ARHGEF3: variants seen among roughly 807,000 people sequenced by gnomAD.
ARHGEF3 encodes the protein Rho guanine nucleotide exchange factor 3.
A neutral mutation model predicts 63.2 loss-of-function variants in ARHGEF3; 28 were observed. The observed-to-expected ratio is 0.44, with a 90% CI of 0.33 to 0.61. The LOEUF (loss-of-function observed/expected upper bound fraction) is 0.61, where lower values mean the gene tolerates loss of function less well. Ranked by LOEUF, ARHGEF3 falls within the 20% of genes least tolerant of loss-of-function variation. The probability of loss-of-function intolerance (pLI) is 0.03; values close to 1 mark genes in which losing one functional copy is unlikely to be tolerated. For missense variants in ARHGEF3, 533 were observed against 659.3 expected (o/e 0.81, Z 2.10); for synonymous variants, 266 against 254.2 (o/e 1.05, Z -0.44).
intron 3 of ARHGEF3, among the ~76,000 whole-genome samples, chr3:56,933,339 T>C (rs75972454): frequency 3.9e-5 from 6 of 152,254 alleles, no homozygotes; most frequent in Non-Finnish European, 8.8e-5. Context: ...GACTCAGTCT[T>C]CCATAACCTA....
intron 2 of ARHGEF3, among the ~76,000 whole-genome samples, chr3:56,989,340 G>A (rs564139605): frequency 4.6e-5 from 7 of 152,180 alleles, no homozygotes; most frequent in East Asian, 1.9e-4. Context: ...ATGCTGTAGC[G>A]TGACATCTGC....
intron 3 of ARHGEF3, among the ~76,000 whole-genome samples, chr3:56,904,150 C>T (rs11710295): frequency 6.6e-6 from 1 of 152,116 alleles, no homozygotes; most frequent in Non-Finnish European, 1.5e-5. Context: ...CCACCTCAGC[C>T]TCCCAAGTAG....
At chr3:56,778,020 G>C (rs2036366655) in intron 1 of ARHGEF3, among the ~76,000 whole-genome samples, 1 of 152,202 alleles carries the variant, frequency 6.6e-6, no homozygotes, top group Non-Finnish European at 1.5e-5. Context: ...CAGGTGGTGT[G>C]TGGAAACTGT....
At chr3:57,065,549 C>T (rs1560173527) in intron 1 of ARHGEF3, among the ~76,000 whole-genome samples, 1 of 152,104 alleles carries the variant, frequency 6.6e-6, no homozygotes, top group Non-Finnish European at 1.5e-5. Flanking sequence ...ATCTGCACTA[C>T]CGTATGCATG....
intron 4 of ARHGEF3, among the ~76,000 whole-genome samples, chr3:56,871,803 A>G (rs547452269): frequency 1.3e-5 from 2 of 152,322 alleles, no homozygotes; most frequent in Admixed American, 1.3e-4. Flanking sequence ...AATTCAGGGC[A>G]TCTTCAAGCT....
intron 4 of ARHGEF3, among the ~76,000 whole-genome samples, chr3:56,823,904 G>A (rs1292246118): frequency 2.0e-5 from 3 of 150,744 alleles, no homozygotes; most frequent in Non-Finnish European, 4.4e-5. Context: ...ATCTTGAAAA[G>A]GGGAGTAAGA....
chr3:57,061,585 C>T (rs773119601), intron 1 of ARHGEF3, among the ~76,000 whole-genome samples: 3 of 152,272 alleles, frequency 2.0e-5, no homozygotes, highest in South Asian at 2.1e-4. Flanking sequence ...TTGTGAATAA[C>T]GCTGCTGGGA....
exon 3 of ARHGEF3, chr3:56,958,846 G>A: frequency 6.4e-7 from 1 of 1,551,646 alleles, no homozygotes; most frequent in Non-Finnish European, 8.7e-7. Flanking sequence ...CAGGCTTTAG[G>A]AGAGGGAAAC....
chr3:56,958,225 C>A (rs1265369192), intron 3 of ARHGEF3, among the ~76,000 whole-genome samples: 1 of 152,116 alleles, frequency 6.6e-6, no homozygotes, highest in Non-Finnish European at 1.5e-5. Context: ...GCCTCAGCAA[C>A]CTTGACACTT....
At chr3:56,901,311 A>G (rs948100472) in intron 3 of ARHGEF3, among the ~76,000 whole-genome samples, 1 of 152,176 alleles carries the variant, frequency 6.6e-6, no homozygotes, top group Non-Finnish European at 1.5e-5. Context: ...GAGTGAATCA[A>G]AAATGCAAGA....
intron 2 of ARHGEF3, among the ~76,000 whole-genome samples, chr3:56,967,519 ATAT>A (rs1426769748): frequency 2.3e-5 from 2 of 88,168 alleles, no homozygotes; most frequent in Non-Finnish European, 1.9e-5. Flanking sequence ...ATAATATAAT[ATAT>A]TATATGTATA....
At chr3:57,077,923 G>T (rs1488118) in intron 1 of ARHGEF3, among the ~76,000 whole-genome samples, 69,215 of 151,920 alleles carry the variant, frequency 0.46, 17,113 homozygotes, top group Middle Eastern at 0.56. Context: ...GAACACCATG[G>T]CTACTGTGTA....
intron 1 of ARHGEF3, among the ~76,000 whole-genome samples, chr3:57,071,748 G>A (rs1023874271): frequency 6.6e-6 from 1 of 151,154 alleles, no homozygotes; most frequent in Non-Finnish European, 1.5e-5. Context: ...CAAAAGCACA[G>A]GAAACCCAAG....
chr3:56,987,109 G>A (rs1365998808), intron 2 of ARHGEF3, among the ~76,000 whole-genome samples: 2 of 152,172 alleles, frequency 1.3e-5, no homozygotes, highest in East Asian at 1.9e-4. Context: ...CTACTAGGAA[G>A]GCTAAGATGG....
chr3:56,906,955 G>A (rs893052798), intron 3 of ARHGEF3, among the ~76,000 whole-genome samples: 5 of 149,140 alleles, frequency 3.4e-5, no homozygotes, highest in Non-Finnish European at 5.9e-5. Context: ...ACTTAAAATC[G>A]CGATTGTGGC....
At chr3:56,849,705 AAC>A (rs1559990745) in intron 4 of ARHGEF3, among the ~76,000 whole-genome samples, 1 of 152,170 alleles carries the variant, frequency 6.6e-6, no homozygotes, top group Non-Finnish European at 1.5e-5. Context: ...AGACAAAGAA[AAC>A]ACAGTTTTCT....
rs1212622208 is a variant in ARHGEF3, at chr3:56,983,642, T to G, written c.63-24753A>C. On this transcript the variant is annotated intron_variant, in intron 2 of 12. Coordinates refer to the ARHGEF3 transcript ENST00000338458. The stretch of plus-strand genomic sequence containing the variant: ...GCTGGGTCAGGTTCATGTCTCCTTT[T>G]AAAACTGACTATCAGCCGGAAGCAG... Among the ~76,000 whole-genome samples, 3 of 152,180 alleles carry G rather than the reference T, an allele frequency of 2.0e-5. No individual in the cohort carries two copies. The East Asian group carries it at 5.8e-4, about 29-fold the overall frequency.
chr3:57,077,791 A>G (rs1378693531), intron 1 of ARHGEF3, among the ~76,000 whole-genome samples: 1 of 151,944 alleles, frequency 6.6e-6, no homozygotes, highest in East Asian at 1.9e-4. Flanking sequence ...CCAAGACCCC[A>G]TTTCCCAACA....
At chr3:56,880,930 C>T (rs966806245) in intron 4 of ARHGEF3, among the ~76,000 whole-genome samples, 1 of 152,172 alleles carries the variant, frequency 6.6e-6, no homozygotes, top group African/African-American at 2.4e-5. Flanking sequence ...CAAACAAACA[C>T]CACATGGTAA....
Sources: allele counts gnomAD v4.1 joint callset (sites outside exome capture counted in the v4.1 genomes callset), GRCh38; gene constraint gnomAD v4.1.1; transcripts MANE v1.5; gene names NCBI Gene and HGNC (gene_info 2026-07-23, HGNC 2026-07-21).